The following ZNF69 variants were observed in gnomAD, a reference collection of about 807,000 sequenced individuals.
The protein encoded by ZNF69 is zinc finger protein 69.
In ZNF69, 47 loss-of-function variants were observed where a neutral mutation model predicts 50.9. The ratio of observed to expected loss-of-function variants is 0.92; its 90% CI spans 0.73 to 1.18. ZNF69 has a LOEUF of 1.18. ZNF69 is among the 50% of genes most tolerant of loss of function. The probability of loss-of-function intolerance (pLI) is 0.00; values close to 1 mark genes in which losing one functional copy is unlikely to be tolerated. For missense variants in ZNF69, 717 were observed against 675.1 expected, an observed-to-expected ratio of 1.06 and a Z score of -0.69; for synonymous variants, 216 against 223.1, an observed-to-expected ratio of 0.97 and a Z score of 0.29.
At chr19:11,899,423 C>G (rs148407510) in intron 1 of ZNF69, among the ~76,000 whole-genome samples, 1 of 152,206 alleles carries the variant, frequency 6.6e-6, no homozygotes, top group East Asian at 1.9e-4. Context: ...CCACCATGTC[C>G]GGCCACTCAT....
rs4071659 is a variant in ZNF69, at chr19:11,892,135, ATTTTTTTTTTTTT to A, written c.63+4160_63+4172del. ...AGTCGCCCACCAGCACTCCTGGCTG[ATTTTTTTTTTTTT>A]TTTTTTTTTTGTATGCAGGTGGCAT... On this transcript the variant is annotated intron_variant, in intron 1 of 3. Coordinates refer to ENST00000429654, the MANE Select transcript of ZNF69 (RefSeq NM_001364730.1). Among the ~76,000 whole-genome samples the A allele has an allele frequency of 1.9e-3, 213 of 113,922 alleles. 3 individuals carry two copies. The East Asian group carries it at 0.047, about 25-fold the overall frequency. 74.7% of individuals were successfully genotyped at this position (113,922 alleles called of 152,430 possible). A position where few individuals can be genotyped will look rare whatever the true frequency, so the allele number is the denominator to read the frequency against.
the ZNF69 span, among the ~76,000 whole-genome samples, chr19:11,941,687 T>G: frequency 5.3e-5 from 8 of 151,864 alleles, no homozygotes; most frequent in East Asian, 1.6e-3. Flanking sequence ...CCTCCACCCC[T>G]CCCTGCAAGC....
At chr19:11,912,432 G>A (rs952453198) in intron 4 of ZNF69, among the ~76,000 whole-genome samples, 2 of 152,144 alleles carry the variant, frequency 1.3e-5, no homozygotes, top group African/African-American at 4.8e-5. Flanking sequence ...AAAGACATTG[G>A]AAGGAAACCC....
chr19:11,936,828 C>T, the ZNF69 span, among the ~76,000 whole-genome samples: 1 of 152,136 alleles, frequency 6.6e-6, no homozygotes, highest in Non-Finnish European at 1.5e-5. Flanking sequence ...TTAGGTCTAA[C>T]GTTTAAGTCT....
the ZNF69 span, among the ~76,000 whole-genome samples, chr19:11,954,736 A>G: frequency 6.6e-6 from 1 of 151,840 alleles, no homozygotes; most frequent in Non-Finnish European, 1.5e-5. Flanking sequence ...CAGAAGGAGA[A>G]CCAAAGCCTG....
chr19:11,925,728 G>A, the ZNF69 span, among the ~76,000 whole-genome samples: 1 of 152,282 alleles, frequency 6.6e-6, no homozygotes, highest in East Asian at 1.9e-4. Context: ...AGCGATTCAC[G>A]AATGAGAAAC....
chr19:11,977,538 C>T, the ZNF69 span: 3 of 1,359,042 alleles, frequency 2.2e-6, no homozygotes, highest in Admixed American at 2.1e-5. Context: ...AAATTCATCT[C>T]TTCTTAGAAT....
the ZNF69 span, among the ~76,000 whole-genome samples, chr19:11,962,174 TG>T: frequency 6.6e-6 from 1 of 151,542 alleles, no homozygotes; most frequent in East Asian, 2.0e-4. Flanking sequence ...TCCCAGCACT[TG>T]GGAGGCTGAG....
the ZNF69 span, among the ~76,000 whole-genome samples, chr19:11,975,262 G>C: frequency 6.6e-6 from 1 of 151,526 alleles, no homozygotes; most frequent in Non-Finnish European, 1.5e-5. Flanking sequence ...GTAAAGATGG[G>C]GTTTCTCCAT....
the ZNF69 span, among the ~76,000 whole-genome samples, chr19:11,927,961 ATT>A: frequency 6.6e-6 from 1 of 151,920 alleles, no homozygotes. Context: ...ATGTAACAGG[ATT>A]ATGTTTTCCA....
rs142551261 is a variant in ZNF69 at position 11,888,309 on chromosome 19, G to A, written c.63+323G>A. On this transcript the variant is annotated intron_variant, in intron 1 of 3. Coordinates refer to ENST00000429654, the MANE Select transcript of ZNF69 (RefSeq NM_001364730.1). ...ATGTGGGTGATCCCGACTCGGGTGT[G>A]GGGTTCGTGCTTGGGAGGAGCAGCG... Among the ~76,000 whole-genome samples the A allele has an allele frequency of 5.0e-3, 759 of 152,376 alleles. 6 individuals carry two copies. Among genetic ancestry groups the A allele is most frequent in the Non-Finnish European group, 8.5e-3 (581 of 68,040 alleles).
chr19:11,952,473 T>G, the ZNF69 span, among the ~76,000 whole-genome samples: 1 of 152,228 alleles, frequency 6.6e-6, no homozygotes, highest in Non-Finnish European at 1.5e-5. Context: ...AGCCTGCTTA[T>G]CTCAGCAGTG....
chr19:11,919,044 C>T (rs563238968), downstream of ZNF69, among the ~76,000 whole-genome samples: 5 of 151,970 alleles, frequency 3.3e-5, no homozygotes, highest in Non-Finnish European at 5.9e-5. Flanking sequence ...TACAGGCGCC[C>T]GCCACCACGC....
chr19:11,895,504 G>A (rs556596790), intron 1 of ZNF69, among the ~76,000 whole-genome samples: 1 of 152,258 alleles, frequency 6.6e-6, no homozygotes, highest in South Asian at 2.1e-4. Context: ...ATTAAGAGGT[G>A]GTCTGTACCA....
the ZNF69 span, among the ~76,000 whole-genome samples, chr19:11,968,321 G>A: frequency 2.0e-5 from 3 of 151,968 alleles, no homozygotes; most frequent in South Asian, 6.2e-4. Flanking sequence ...GTGCGATCAT[G>A]GCTTACTGCA....
chr19:11,912,613 T>G (rs1972473618), intron 4 of ZNF69, among the ~76,000 whole-genome samples: 1 of 152,134 alleles, frequency 6.6e-6, no homozygotes, highest in South Asian at 2.1e-4. Flanking sequence ...AGAAACCCTA[T>G]GAGTGTATGC....
At chr19:11,970,455 A>G in the ZNF69 span, among the ~76,000 whole-genome samples, 4 of 152,244 alleles carry the variant, frequency 2.6e-5, no homozygotes, top group Non-Finnish European at 5.9e-5. Flanking sequence ...ATGCATGCTA[A>G]GGTAACATAT....
chr19:11,909,248 G>A (rs1972423089), downstream of ZNF69, among the ~76,000 whole-genome samples: 1 of 152,188 alleles, frequency 6.6e-6, no homozygotes, highest in African/African-American at 2.4e-5. Context: ...GAGGTACAAA[G>A]AGGAGCTAGT....
chr19:11,922,362 T>C, the ZNF69 span, among the ~76,000 whole-genome samples: 5 of 152,214 alleles, frequency 3.3e-5, no homozygotes, highest in East Asian at 9.6e-4. Flanking sequence ...AAACCCCACT[T>C]TGTCTTCGTT....
Sources: gnomAD v4.1 joint callset for allele counts (sites outside exome capture counted in the v4.1 genomes callset) on GRCh38, gnomAD v4.1.1 for gene constraint, MANE v1.5 for transcripts, NCBI Gene and HGNC (gene_info 2026-07-23, HGNC 2026-07-21) for gene names.